The following GPALPP1 variants were observed in gnomAD, a reference collection of about 807,000 sequenced individuals.
GPALPP1 encodes GPALPP motifs containing 1, also known as GPALPP motifs-containing protein 1.
A neutral mutation model predicts 38.9 loss-of-function variants in GPALPP1; 30 were observed. The observed-to-expected ratio is 0.77, with a 90% CI of 0.58 to 1.05. The LOEUF (loss-of-function observed/expected upper bound fraction) is 1.05, where lower values mean the gene tolerates loss of function less well. Ranked by LOEUF, GPALPP1 falls within the 50% of genes least tolerant of loss-of-function variation. The probability of loss-of-function intolerance (pLI) is 0.00; values close to 1 mark genes in which losing one functional copy is unlikely to be tolerated. For missense variants in GPALPP1, 384 were observed against 408.8 expected (o/e 0.94, Z 0.52); for synonymous variants, 120 against 139.2 (o/e 0.86, Z 0.97).
chr13:45,017,111 C>T (rs1874931948), intron 6 of GPALPP1, among the ~76,000 whole-genome samples: 1 of 152,188 alleles, frequency 6.6e-6, no homozygotes, highest in Non-Finnish European at 1.5e-5. Flanking sequence ...TTTCTGTTTT[C>T]AATCTGTAAT....
At chr13:45,005,842 T>C (rs535216818) in intron 2 of GPALPP1, among the ~76,000 whole-genome samples, 86 of 152,148 alleles carry the variant, frequency 5.7e-4, no homozygotes, top group African/African-American at 2.0e-3. Context: ...CTGGCCAACA[T>C]GGTGAAACCC....
chr13:45,016,385 C>G (rs1053398202), intron 6 of GPALPP1, among the ~76,000 whole-genome samples: 16 of 151,888 alleles, frequency 1.1e-4, no homozygotes, highest in African/African-American at 3.9e-4. Flanking sequence ...ACCCGGGAGG[C>G]AGAGGTTGCA....
chr13:45,033,523 T>C (rs1876302536), downstream of GPALPP1: 1 of 152,234 alleles, frequency 6.6e-6, no homozygotes, highest in East Asian at 1.9e-4. Flanking sequence ...CCTTTTCATT[T>C]TGAGCTTTAC....
intron 4 of GPALPP1, among the ~76,000 whole-genome samples, chr13:45,012,681 G>A (rs777262614): frequency 2.0e-5 from 3 of 152,034 alleles, no homozygotes; most frequent in Non-Finnish European, 2.9e-5. Context: ...GGTCAGGCTG[G>A]GACAGAGATT....
downstream of GPALPP1, chr13:45,031,757 C>T (rs1876206708): frequency 6.6e-6 from 1 of 152,194 alleles, no homozygotes; most frequent in Non-Finnish European, 1.5e-5. Flanking sequence ...AGTTATTGCA[C>T]AGGACGGAAA....
chr13:45,008,636 C>A (rs1436870904), intron 3 of GPALPP1, among the ~76,000 whole-genome samples, 159 bp from the exon 4 acceptor site: 1 of 152,072 alleles, frequency 6.6e-6, no homozygotes, highest in African/African-American at 2.4e-5. Context: ...AGACGTCTAG[C>A]AGAAAGATAC....
intron 1 of GPALPP1, among the ~76,000 whole-genome samples, chr13:44,990,820 G>A (rs1380605237): frequency 3.3e-5 from 5 of 152,164 alleles, no homozygotes; most frequent in Non-Finnish European, 7.3e-5. Flanking sequence ...TGAGCGAGGT[G>A]GCACAAGCCT....
In GPALPP1 at chr13:45,015,503, T is replaced by C; in HGVS notation, c.612T>C (p.Leu204=). 1 of 1,609,566 alleles carries C rather than the reference T, an allele frequency of 6.2e-7. No homozygotes were observed. Among genetic ancestry groups the C allele is most frequent in the Non-Finnish European group, 8.5e-7 (1 of 1,177,370 alleles). Residue 204 remains leucine (L), a synonymous_variant, in exon 6 of 8, where the codon CTT becomes CTC. Coordinates refer to ENST00000379151, the MANE Select transcript of GPALPP1 (RefSeq NM_018559.5). The part of the protein sequence containing the change: ...ELPPEMKDFG[L]GPRTFKRRAD... Reference sequence around the variant, plus strand: ...CTCCAGAAATGAAAGACTTTGGTCTTGGGCCAAGGACTTTTAAGAGAAGAG... The same window carrying C: ...CTCCAGAAATGAAAGACTTTGGTCTCGGGCCAAGGACTTTTAAGAGAAGAG...
intron 1 of GPALPP1, among the ~76,000 whole-genome samples, chr13:45,000,730 T>C (rs910794538): frequency 1.3e-5 from 2 of 152,208 alleles, no homozygotes; most frequent in Non-Finnish European, 2.9e-5. Context: ...CACATGAGGT[T>C]AGAGGTCACA....
At chr13:45,022,126 C>T (rs1875474264) in intron 7 of GPALPP1, among the ~76,000 whole-genome samples, 1 of 152,108 alleles carries the variant, frequency 6.6e-6, no homozygotes, top group South Asian at 2.1e-4. Flanking sequence ...TAAAAAGGAA[C>T]ACATTACAAA....
chr13:44,997,772 C>T (rs1398683121), intron 1 of GPALPP1, among the ~76,000 whole-genome samples: 1 of 152,248 alleles, frequency 6.6e-6, no homozygotes, highest in South Asian at 2.1e-4. Context: ...CCCATTCATC[C>T]ACTCTCTTGC....
At chr13:45,008,302 T>C (rs778314526) in intron 3 of GPALPP1, among the ~76,000 whole-genome samples, 2 of 152,242 alleles carry the variant, frequency 1.3e-5, no homozygotes, top group Admixed American at 6.5e-5. Context: ...CACAGATTGC[T>C]GGCATTGTCT....
At chr13:45,037,384 A>G (rs1249423553) in exon 8 of GPALPP1, 2 of 152,250 alleles carry the variant, frequency 1.3e-5, no homozygotes, top group Non-Finnish European at 2.9e-5. Context: ...AAATAATACT[A>G]TAATACCTAA....
At chr13:45,036,764 GGCAT>G (rs1294361642) in exon 8 of GPALPP1, 1 of 152,036 alleles carries the variant, frequency 6.6e-6, no homozygotes, top group African/African-American at 2.4e-5. Flanking sequence ...TGGGCAACGT[GGCAT>G]GACCCTGTCT....
intron 3 of GPALPP1, 51 bp downstream of exon 3, chr13:45,006,354 A>G: frequency 3.5e-6 from 3 of 862,144 alleles, no homozygotes; most frequent in Non-Finnish European, 5.6e-6. Flanking sequence ...ATTTTAACTA[A>G]TGAATCTTTA....
intron 1 of GPALPP1, among the ~76,000 whole-genome samples, chr13:44,996,567 T>C (rs1343792230): frequency 6.6e-6 from 1 of 151,718 alleles, no homozygotes; most frequent in Non-Finnish European, 1.5e-5. Flanking sequence ...TACTGCAACC[T>C]CTGCCTCCTG....
At chr13:45,025,703 A>G (rs1333690492) in intron 7 of GPALPP1, among the ~76,000 whole-genome samples, 1 of 151,892 alleles carries the variant, frequency 6.6e-6, no homozygotes, top group Admixed American at 6.6e-5. Flanking sequence ...CAGGACCATC[A>G]TTGCAATGCA....
intron 1 of GPALPP1, among the ~76,000 whole-genome samples, chr13:44,998,812 T>G (rs1873470454): frequency 6.6e-6 from 1 of 152,200 alleles, no homozygotes; most frequent in South Asian, 2.1e-4. Context: ...TAAATACAGT[T>G]GACCCTGTAG....
At chr13:45,023,165 A>G (rs1875545673) in intron 7 of GPALPP1, among the ~76,000 whole-genome samples, 2 of 152,152 alleles carry the variant, frequency 1.3e-5, no homozygotes, top group African/African-American at 4.8e-5. Flanking sequence ...TAGCAGATTA[A>G]TCTCTTACAT....
Sources: allele counts gnomAD v4.1 joint callset (sites outside exome capture counted in the v4.1 genomes callset), GRCh38; gene constraint gnomAD v4.1.1; transcripts MANE v1.5; gene names NCBI Gene and HGNC (gene_info 2026-07-23, HGNC 2026-07-21).